The following MYO7B variants were observed in gnomAD, a reference collection of about 807,000 sequenced individuals.
MYO7B encodes unconventional myosin-VIIb.
Under a neutral mutation model 259.7 loss-of-function variants are expected in MYO7B, and 212 were observed. That is an observed-to-expected ratio of 0.82 (90% CI 0.73 to 0.91). The LOEUF is 0.91. MYO7B is among the 40% of genes least tolerant of loss of function. The pLI is 0.00. For synonymous variants in MYO7B, 1,197 were observed against 1,166.4 expected (o/e 1.03, Z -0.54); for missense variants, 2,732 against 2,813.5 (o/e 0.97, Z 0.66).
At chr2:127,554,609 G>A (rs986460314) in intron 1 of MYO7B, among the ~76,000 whole-genome samples, 2 of 152,190 alleles carry the variant, frequency 1.3e-5, no homozygotes, top group Non-Finnish European at 2.9e-5. Flanking sequence ...ATAAGTTAGG[G>A]AGGATTCCCT....
At position 127,634,677 on chromosome 2, in the gene MYO7B, AAAG is replaced by A; in HGVS notation, c.5711_5713del (p.Glu1904del). On this transcript the variant is annotated inframe_deletion, in exon 42 of 48. Coordinates refer to ENST00000409816, the MANE Select transcript of MYO7B (RefSeq NM_001393586.1). ...CTGGGTGAAGAAGAACAAGCCCCAG[AAAG>A]AAGGTGAGGAGGCCTCTGTGGAGCT... is the stretch of plus-strand genomic sequence containing the variant. The A allele has an allele frequency of 5.6e-6, 9 of 1,610,210 alleles. No individual in the cohort carries two copies. The highest frequency in any genetic ancestry group is 1.7e-5 in the Admixed American group (1 of 59,646).
chr2:127,584,329 G>A lies in MYO7B; in HGVS notation c.1551G>A (p.Pro517=), dbSNP rs61743462. Residue 517 remains proline, a synonymous_variant, in exon 13 of 48, where the codon CCG becomes CCA. Coordinates refer to ENST00000409816, the MANE Select transcript of MYO7B (RefSeq NM_001393586.1). This position sits in a 1 kb window ranked among gnomAD's most constrained non-coding sequence, Gnocchi z 5.8. ...TCCTGGACGAAGAAAGCCGCTTCCC[G>A]CAGGTGTGTGTTCGGGCCTGCCGAC... ...ISLLDEESRF[P]QGTDLTMLQK... 3,258 of 1,613,766 alleles carry A rather than the reference G, an allele frequency of 2.0e-3. 61 individuals carry two copies. The African/African-American group carries it at 0.038, about 19-fold the overall frequency.
intron 1 of MYO7B, among the ~76,000 whole-genome samples, chr2:127,558,653 A>G (rs1677928857): frequency 6.6e-6 from 1 of 152,222 alleles, no homozygotes; most frequent in Non-Finnish European, 1.5e-5. Flanking sequence ...TATCATATAT[A>G]TAGAGATATA....
chr2:127,633,733 C>T (rs1162136129), intron 40 of MYO7B, among the ~76,000 whole-genome samples: 1 of 152,198 alleles, frequency 6.6e-6, no homozygotes, highest in Non-Finnish European at 1.5e-5. Context: ...GCCATGGCTG[C>T]TGGGGGAACA....
intron 20 of MYO7B, among the ~76,000 whole-genome samples, chr2:127,606,542 A>G (rs1016272182): frequency 6.6e-6 from 1 of 152,168 alleles, no homozygotes; most frequent in Non-Finnish European, 1.5e-5. Flanking sequence ...CATTTTATTT[A>G]ATATTAAACC....
chr2:127,610,030 A>T lies in MYO7B; in HGVS notation c.3192+14A>T, dbSNP rs767122806. Reference sequence around the variant, plus strand: ...AGATCTGCACAGGCAAGTGGGGGGCAGCAGCGGGCAGAGGAGGGCGACACC... The same window carrying T: ...AGATCTGCACAGGCAAGTGGGGGGCTGCAGCGGGCAGAGGAGGGCGACACC... On this transcript the variant is annotated intron_variant, in intron 24 of 47. Transcript: ENST00000409816. 1 of 1,606,982 alleles carries T rather than the reference A, an allele frequency of 6.2e-7. No homozygotes were observed. Among genetic ancestry groups the T allele is most frequent in the African/African-American group, 1.3e-5 (1 of 74,826 alleles).
intron 7 of MYO7B, among the ~76,000 whole-genome samples, chr2:127,575,597 A>G (rs112059047): frequency 6.6e-6 from 1 of 152,324 alleles, no homozygotes; most frequent in African/African-American, 2.4e-5. Context: ...AAGAAAAGAG[A>G]TAACTATTTA....
At position 127,609,837 on chromosome 2, in the gene MYO7B, T is replaced by C. The variant is rs988504198; in HGVS notation, c.3025-12T>C. ...ATGGGTTCCCACTGGGCCTTCTGTC[T>C]TGTTTCCCCAGGCCGCCCTGGTCAT... On this transcript the variant is annotated splice_polypyrimidine_tract_variant and intron_variant, in intron 23 of 47. Coordinates refer to ENST00000409816, the MANE Select transcript of MYO7B (RefSeq NM_001393586.1). This position sits in a 1 kb window ranked among gnomAD's most constrained non-coding sequence, Gnocchi z 6.9. 1 of 1,613,572 alleles carries C rather than the reference T, an allele frequency of 6.2e-7. No individual in the cohort carries two copies. Among genetic ancestry groups the C allele is most frequent in the Admixed American group, 1.7e-5 (1 of 59,962 alleles).
chr2:127,563,369 A>T (rs1011924363), intron 2 of MYO7B, among the ~76,000 whole-genome samples: 5 of 152,184 alleles, frequency 3.3e-5, no homozygotes, highest in Non-Finnish European at 7.3e-5. Context: ...TGAGGTGTCA[A>T]TGCCACAGTG....
In MYO7B at chr2:127,627,181, C is replaced by T. The variant is rs1681178102; in HGVS notation, c.4334-3C>T. ...CCTTCACACTGCCGTCTCTCCTGGC[C>T]AGGCCCCCGCCTGCCCAAGACGCAG... On this transcript the variant is annotated splice_region_variant and splice_polypyrimidine_tract_variant and intron_variant, in intron 32 of 47. Transcript: ENST00000409816. This position sits in a 1 kb window ranked among gnomAD's most constrained non-coding sequence, Gnocchi z 5.6. 6.2e-7 allele frequency: 1 copy of T among 1,607,158 alleles called. No individual in the cohort carries two copies.
chr2:127,625,818 G>A (rs907844376), intron 31 of MYO7B, among the ~76,000 whole-genome samples: 7 of 152,216 alleles, frequency 4.6e-5, no homozygotes, highest in South Asian at 2.1e-4. Context: ...CCAGGCCCTC[G>A]CTTCTTGGGA....
chr2:127,635,568 G>C, intron 43 of MYO7B, 154 bp from the exon 44 acceptor site: 1 of 830,814 alleles, frequency 1.2e-6, no homozygotes, highest in South Asian at 1.8e-5. Context: ...CCTGACTCAG[G>C]GTCATTCCCC....
chr2:127,628,736 G>A lies in MYO7B; in HGVS notation c.4624+201G>A, dbSNP rs1681295568. Among the ~76,000 whole-genome samples, 2 of 152,328 alleles carry A rather than the reference G, an allele frequency of 1.3e-5. No individual in the cohort carries two copies. Among genetic ancestry groups the A allele is most frequent in the South Asian group, 2.1e-4 (1 of 4,824 alleles). On this transcript the variant is annotated intron_variant, in intron 34 of 47. Coordinates refer to ENST00000409816, the MANE Select transcript of MYO7B (RefSeq NM_001393586.1). The surrounding 1 kb of genome is among the most constrained non-coding windows in gnomAD (Gnocchi z 4.8). Reference sequence around the variant, plus strand: ...CACTGCTTCCTCTTCTACAAAATGAGGGGCTAAAGGAGGTGGTCTCCAGCC... The same window carrying A: ...CACTGCTTCCTCTTCTACAAAATGAAGGGCTAAAGGAGGTGGTCTCCAGCC...
In MYO7B at chr2:127,625,665, T is replaced by G; in HGVS notation, c.4215+130T>G. The stretch of plus-strand genomic sequence containing the variant: ...CCCCTGGGGAACAACAAGCCTCAGC[T>G]TGACAGTTAAGTAGAGCCCTGTCCC... On this transcript the variant is annotated intron_variant, in intron 31 of 47. Coordinates refer to ENST00000409816, the MANE Select transcript of MYO7B (RefSeq NM_001393586.1). The G allele has an allele frequency of 4.6e-6, 5 of 1,078,886 alleles. 1 individual carries two copies. Among genetic ancestry groups the G allele is most frequent in the Non-Finnish European group, 6.3e-6 (5 of 795,810 alleles). The allele number at this position is 1,078,886 out of a possible 1,614,324, so 66.8% of individuals were successfully genotyped here.
chr2:127,607,487 A>T lies in MYO7B; in HGVS notation c.2643+63A>T. 1 of 1,421,072 alleles carries T rather than the reference A, an allele frequency of 7.0e-7. No homozygotes were observed. Among genetic ancestry groups the T allele is most frequent in the Non-Finnish European group, 9.6e-7 (1 of 1,037,810 alleles). The allele number at this position is 1,421,072 out of a possible 1,614,324, so 88.0% of individuals were successfully genotyped here. On this transcript the variant is annotated intron_variant, in intron 21 of 47. Coordinates refer to ENST00000409816, the MANE Select transcript of MYO7B (RefSeq NM_001393586.1). This position sits in a 1 kb window ranked among gnomAD's most constrained non-coding sequence, Gnocchi z 4.4. The stretch of plus-strand genomic sequence containing the variant: ...GCTGGGGCCCCAGTGGGTGAGGGCA[A>T]GAAGGAGTGAGCGGCTGTGTAGAGA...
intron 30 of MYO7B, among the ~76,000 whole-genome samples, chr2:127,624,905 C>G (rs1027894528): frequency 2.4e-4 from 36 of 152,212 alleles, no homozygotes; most frequent in African/African-American, 8.2e-4. Context: ...CATAGCAGTG[C>G]AGGAAGCCCG....
chr2:127,614,377 A>T lies in MYO7B; in HGVS notation c.3398+1774A>T, dbSNP rs968271093. On this transcript the variant is annotated intron_variant, in intron 26 of 47. Coordinates refer to ENST00000409816, the MANE Select transcript of MYO7B (RefSeq NM_001393586.1). The surrounding 1 kb of genome is among the most constrained non-coding windows in gnomAD (Gnocchi z 4.6). ...TGCCTGAAGCTCAGCTCCTTCCACGACATCTTTTGGTCAGCAGGAAGCTCA... is the reference window on the plus strand; with the variant it reads ...TGCCTGAAGCTCAGCTCCTTCCACGTCATCTTTTGGTCAGCAGGAAGCTCA... 6.6e-6 allele frequency among the ~76,000 whole-genome samples: 1 copy of T among 151,996 alleles called. No individual in the cohort carries two copies. Among genetic ancestry groups the T allele is most frequent in the Admixed American group, 6.6e-5 (1 of 15,256 alleles).
At chr2:127,599,926 A>C (rs1679900572) in intron 19 of MYO7B, among the ~76,000 whole-genome samples, 1 of 152,218 alleles carries the variant, frequency 6.6e-6, no homozygotes, top group Non-Finnish European at 1.5e-5. Flanking sequence ...TGTTTCATTA[A>C]GGATTTTTGC....
At chr2:127,566,928 A>T in intron 5 of MYO7B, 101 bp downstream of exon 5, 1 of 1,266,040 alleles carries the variant, frequency 7.9e-7, no homozygotes, top group Non-Finnish European at 1.1e-6. Context: ...TCCCTACTCC[A>T]TGGCACACAC....
Sources: gnomAD v4.1 joint callset for allele counts (sites outside exome capture counted in the v4.1 genomes callset) on GRCh38, gnomAD v4.1.1 for gene constraint, Gnocchi (gnomAD v3.1) non-coding constraint, MANE v1.5 for transcripts, NCBI Gene and HGNC (gene_info 2026-07-23, HGNC 2026-07-21) for gene names.